The following PSG6 variants were observed in gnomAD, a reference collection of about 807,000 sequenced individuals.
PSG6 encodes pregnancy-specific beta-1-glycoprotein 6.
A neutral mutation model predicts 43.3 loss-of-function variants in PSG6; 51 were observed. The ratio of observed to expected loss-of-function variants is 1.18; its 90% CI spans 0.94 to 1.49. The LOEUF is 1.49. Ranked by LOEUF, PSG6 falls within the 40% of genes most tolerant of loss-of-function variation. The pLI is 0.00. For synonymous variants in PSG6, 292 were observed against 197.6 expected (o/e 1.48, Z -4.01); for missense variants, 770 against 522.2 (o/e 1.47, Z -4.62).
intron 2 of PSG6, among the ~76,000 whole-genome samples, chr19:42,912,670 A>T (rs1052744243): frequency 6.6e-6 from 1 of 151,848 alleles, no homozygotes; most frequent in Admixed American, 6.6e-5. Context: ...ACCCCAAAAC[A>T]GGTATGTGAA....
chr19:42,902,267 TC>T lies in PSG6; in HGVS notation c.*144del, dbSNP rs2122612220. ...TCTGGAGAATAAAACATTCCAAGAA[TC>T]AGCACATTTTCCAATAAAAAATTAT... On this transcript the variant is annotated 3_prime_UTR_variant, in exon 6 of 6. Transcript: ENST00000187910. The T allele has an allele frequency of 9.5e-7, 1 of 1,053,022 alleles. No individual in the cohort carries two copies. The highest frequency in any genetic ancestry group is 1.6e-5 in the African/African-American group (1 of 63,030). 65.2% of individuals were successfully genotyped at this position (1,053,022 alleles called of 1,614,324 possible). A position where few individuals can be genotyped will look rare whatever the true frequency, so the allele number is the denominator to read the frequency against.
Position 42,902,446 on chromosome 19 carries a change from C to G in PSG6, c.1241G>C (p.Gly414Ala), listed in dbSNP as rs752221816. 2 of 1,610,816 alleles carry G rather than the reference C, an allele frequency of 1.2e-6. No individual in the cohort carries two copies. Among genetic ancestry groups the G allele is most frequent in the Non-Finnish European group, 1.7e-6 (2 of 1,178,290 alleles). Residue 414 changes from glycine (G) to alanine (A), a missense_variant and splice_region_variant, in exon 6 of 6, where the codon GGT becomes GCT. By Grantham distance (60) the Gly-to-Ala change is moderately conservative (BLOSUM62 0). Transcript: ENST00000187910. ...ISKSMIVKVSGPCHGNQTESH is the reference protein window; with the variant it reads ...ISKSMIVKVSAPCHGNQTESH ...CTCTGTCTGGTTTCCATGGCAGGGA[C>G]CTGATTGACAGAAGGCCCAGGTCAG...
chr19:42,912,850 C>T (rs1207374428), intron 2 of PSG6, among the ~76,000 whole-genome samples: 3 of 151,646 alleles, frequency 2.0e-5, no homozygotes, highest in Non-Finnish European at 4.4e-5. Flanking sequence ...GTGGCACAGG[C>T]AGTAAAACCA....
chr19:42,902,473 G>A (rs373887362), intron 5 of PSG6, 27 bp from the exon 6 acceptor site: 18 of 1,607,314 alleles, frequency 1.1e-5, no homozygotes, highest in African/African-American at 9.4e-5. Context: ...CCAGGTCAGC[G>A]CATTTCAAAT....
chr19:42,902,516 C>G, intron 5 of PSG6, 70 bp from the exon 6 acceptor site: 1 of 1,584,234 alleles, frequency 6.3e-7, no homozygotes, highest in Non-Finnish European at 8.6e-7. Flanking sequence ...AGCTTCTTTC[C>G]CACAGGCTCC....
intron 2 of PSG6, among the ~76,000 whole-genome samples, chr19:42,913,427 G>GA (rs1291440933): frequency 6.6e-6 from 1 of 151,858 alleles, no homozygotes; most frequent in Non-Finnish European, 1.5e-5. Context: ...TTATAGGCGT[G>GA]AGCCACTGTG....
intron 2 of PSG6, among the ~76,000 whole-genome samples, chr19:42,914,024 A>G (rs1422097015): frequency 1.3e-5 from 2 of 151,644 alleles, no homozygotes; most frequent in Admixed American, 1.3e-4. Flanking sequence ...CCACCATTTC[A>G]ATAAATTTTA....
In PSG6 at chr19:42,902,181, G is replaced by C. The variant is rs749744139; in HGVS notation, c.*231C>G. On this transcript the variant is annotated 3_prime_UTR_variant, in exon 6 of 6. Transcript: ENST00000187910. ...ACTCAGATAGAGAGCAAAAGCAAAT[G>C]TTTCAATTTTTGTTTACAAAAGTAT... 5.9e-6 allele frequency: 3 copies of C among 511,624 alleles called. No individual in the cohort carries two copies. In the South Asian group the frequency reaches 8.5e-5, roughly 14 times the overall value. 31.7% of individuals were successfully genotyped at this position (511,624 alleles called of 1,614,324 possible).
At chr19:42,910,531 T>C in intron 3 of PSG6, 49 bp downstream of exon 3, 1 of 1,612,486 alleles carries the variant, frequency 6.2e-7, no homozygotes, top group Non-Finnish European at 8.5e-7. Flanking sequence ...CTCTGGCCAC[T>C]TGTATTTGGG....
At chr19:42,909,691 C>A (rs904571248) in intron 3 of PSG6, 8 of 151,770 alleles carry the variant, frequency 5.3e-5, no homozygotes, top group African/African-American at 1.4e-4. Context: ...AATTGAAATT[C>A]TTTCCTTAAC....
At chr19:42,915,116 G>A (rs1441610206) in intron 2 of PSG6, among the ~76,000 whole-genome samples, 2 of 151,464 alleles carry the variant, frequency 1.3e-5, no homozygotes, top group African/African-American at 2.4e-5. Flanking sequence ...AGGAGAGGAT[G>A]GGCCTGTGGC....
Position 42,903,633 on chromosome 19 carries a change from T to C in PSG6, c.1241-1187A>G, listed in dbSNP as rs564070077. The C allele has an allele frequency of 1.1e-5, 16 of 1,502,172 alleles. 1 individual carries two copies. Among genetic ancestry groups the C allele is most frequent in the Non-Finnish European group, 8.9e-6 (10 of 1,124,268 alleles). The allele number at this position is 1,502,172 out of a possible 1,614,324, so 93.1% of individuals were successfully genotyped here. On this transcript the variant is annotated intron_variant, in intron 5 of 5. Transcript: ENST00000187910. ...ACTCTGAGCATGGTGGGTCATGTTT[T>C]AATCCTAGCACTTTGGGAGGTCACA...
intron 2 of PSG6, among the ~76,000 whole-genome samples, chr19:42,911,088 C>T (rs1271340895): frequency 4.0e-5 from 6 of 151,568 alleles, no homozygotes; most frequent in Admixed American, 6.6e-5. Context: ...GTGAATTGAG[C>T]AGCAGCATTG....
In PSG6 at chr19:42,910,764, A is replaced by G. The variant is rs748802067; in HGVS notation, c.522T>C (p.Asp174=). 6.2e-6 allele frequency: 10 copies of G among 1,612,278 alleles called. No individual in the cohort carries two copies. In the Admixed American group the frequency reaches 1.0e-4, roughly 16 times the overall value. The change falls in exon 3 of 6, where the codon GAT becomes GAC. Residue 174 remains aspartate (D), a synonymous_variant. Coordinates refer to ENST00000187910, the MANE Select transcript of PSG6 (RefSeq NM_001031850.4). ...CATTCAGCAACCACAGGTAGCTTGC[A>G]TCCGGAGTCTCAGGATCACAGATTA... ...VRLICDPETP[D]ASYLWLLNGQ...
At position 42,908,223 on chromosome 19, in the gene PSG6, A is replaced by C. The variant is rs202022515; in HGVS notation, c.707-369T>G. Among the ~76,000 whole-genome samples the C allele has an allele frequency of 1.7e-3, 264 of 151,570 alleles. 8 individuals are homozygous for C. Among genetic ancestry groups the C allele is most frequent in the East Asian group, 0.011 (58 of 5,160 alleles). The stretch of plus-strand genomic sequence containing the variant: ...GCAACTGCTGGGCCCCTTCCAAATT[A>C]CATCCTACTTTGCCCCCCTAGATGT... On this transcript the variant is annotated intron_variant, in intron 3 of 5. Transcript: ENST00000187910.
chr19:42,907,017 TG>T lies in PSG6; in HGVS notation c.1144del (p.Gln382LysfsTer27). ...GAGCCCGCTATGATTTGTAGTAATT[TG>T]GGGGATAAAGAGCTTTTGTCCTGAT... Reference protein sequence around the residue: ...QLSGQKLFIPQITTNHSGLYA... With the variant: ...QLSGQKLFIPXITTNHSGLYA... On this transcript the variant is annotated frameshift_variant, in exon 5 of 6. Coordinates refer to ENST00000187910, the MANE Select transcript of PSG6 (RefSeq NM_001031850.4). LOFTEE classifies it high-confidence loss of function. 6.2e-7 allele frequency: 1 copy of T among 1,612,456 alleles called. No homozygotes were observed. The highest frequency in any genetic ancestry group is 8.5e-7 in the Non-Finnish European group (1 of 1,179,112).
rs982693055 is a variant in PSG6, at chr19:42,905,187, A to G, written c.1240+1735T>C. Among the ~76,000 whole-genome samples, 92 of 151,808 alleles carry G rather than the reference A, an allele frequency of 6.1e-4. 3 individuals are homozygous for G. Among genetic ancestry groups the G allele is most frequent in the Non-Finnish European group, 9.4e-4 (64 of 67,924 alleles). On this transcript the variant is annotated intron_variant, in intron 5 of 5. Transcript: ENST00000187910. Reference sequence around the variant, plus strand: ...AAACTATACAACTCTTAGAAGAAAAACTTCATGATAGTGGATTTCACAATG... The same window carrying G: ...AAACTATACAACTCTTAGAAGAAAAGCTTCATGATAGTGGATTTCACAATG...
In PSG6 at chr19:42,907,654, C is replaced by A. The variant is rs753857556; in HGVS notation, c.907G>T (p.Glu303Ter). 1 of 1,611,442 alleles carries A rather than the reference C, an allele frequency of 6.2e-7. No individual in the cohort carries two copies. Among genetic ancestry groups the A allele is most frequent in the Non-Finnish European group, 8.5e-7 (1 of 1,179,140 alleles). Residue 303 changes from glutamate to a stop codon, truncating the protein, a stop_gained, in exon 4 of 6, where the codon GAA becomes TAA. Coordinates refer to ENST00000187910, the MANE Select transcript of PSG6 (RefSeq NM_001031850.4). LOFTEE classifies it high-confidence loss of function. ...ATTTCACATTGATAGGGTCCTGTTTCATTTCTCGTGACACTGGGTAGAATG... is the reference window on the plus strand; with the variant it reads ...ATTTCACATTGATAGGGTCCTGTTTAATTTCTCGTGACACTGGGTAGAATG... ...ILILPSVTRN[E>*]TGPYQCEIRD...
intron 1 of PSG6, 142 bp from the exon 2 acceptor site, chr19:42,916,629 A>C (rs1972341041): frequency 7.8e-7 from 1 of 1,287,672 alleles, no homozygotes; most frequent in Admixed American, 2.3e-5. Flanking sequence ...CACACACAAA[A>C]GGGCATGTGT....
Sources: gnomAD v4.1 joint callset for allele counts (sites outside exome capture counted in the v4.1 genomes callset) on GRCh38, gnomAD v4.1.1 for gene constraint, MANE v1.5 for transcripts, NCBI Gene and HGNC (gene_info 2026-07-23, HGNC 2026-07-21) for gene names.